FRYL: variants seen among roughly 807,000 people sequenced by gnomAD.
The protein encoded by FRYL is FRY like transcription coactivator.
A neutral mutation model predicts 351.2 loss-of-function variants in FRYL; 150 were observed. The observed-to-expected ratio is 0.43, with a 90% CI of 0.37 to 0.49. The LOEUF is 0.49. FRYL is among the 20% of genes least tolerant of loss of function. FRYL has a pLI of 0.00. For missense variants in FRYL, 3,036 were observed against 3,619.3 expected (o/e 0.84, Z 4.13); for synonymous variants, 1,153 against 1,257.1 (o/e 0.92, Z 1.75).
chr4:48,514,424 T>C (rs947238481), intron 56 of FRYL, among the ~76,000 whole-genome samples: 1 of 152,150 alleles, frequency 6.6e-6, no homozygotes, highest in African/African-American at 2.4e-5. Context: ...AAAAGCTATA[T>C]ATAACATATG....
intron 3 of FRYL, among the ~76,000 whole-genome samples, chr4:48,663,433 C>A (rs949124994): frequency 6.6e-6 from 1 of 150,468 alleles, no homozygotes; most frequent in African/African-American, 2.4e-5. Flanking sequence ...GAAAGAAAAG[C>A]GGGTGGGGAA....
Position 48,542,074 on chromosome 4 carries a change from A to G in FRYL, c.5640T>C (p.Thr1880=). Residue 1880 remains threonine (T), a synonymous_variant, in exon 45 of 64, where the codon ACT becomes ACC. Transcript: ENST00000358350. ...CATAATGCTTCATGGTTTCAGCCAA[A>G]GTATCAATTGCAGATTCCAATGTGA... ...LLLTLESAID[T]LAETMKHYDL... 6.2e-7 allele frequency: 1 copy of G among 1,613,958 alleles called. No homozygotes were observed. The highest frequency in any genetic ancestry group is 8.5e-7 in the Non-Finnish European group (1 of 1,179,846).
chr4:48,630,636 T>A (rs1752783896), intron 4 of FRYL, among the ~76,000 whole-genome samples: 1 of 152,210 alleles, frequency 6.6e-6, no homozygotes, highest in Non-Finnish European at 1.5e-5. Context: ...CAATCACCAA[T>A]TGCCCTTCTT....
chr4:48,549,397 C>G lies in FRYL; in HGVS notation c.4784+76G>C. The G allele has an allele frequency of 7.5e-7, 1 of 1,335,310 alleles. No individual in the cohort carries two copies. The highest frequency in any genetic ancestry group is 2.4e-5 in the East Asian group (1 of 42,032). 82.7% of individuals were successfully genotyped at this position (1,335,310 alleles called of 1,614,324 possible). A position where few individuals can be genotyped will look rare whatever the true frequency, so the allele number is the denominator to read the frequency against. ...GAAGATTGCTTTCATTCTGTGTTGT[C>G]AGATAGCACAAAGAAAGCCGACAGT... On this transcript the variant is annotated intron_variant, in intron 39 of 63. Coordinates refer to ENST00000358350, the MANE Select transcript of FRYL (RefSeq NM_015030.2). This position sits in a 1 kb window ranked among gnomAD's most constrained non-coding sequence, Gnocchi z 4.2.
intron 1 of FRYL, among the ~76,000 whole-genome samples, chr4:48,755,936 T>TA (rs869261013): frequency 5.6e-4 from 78 of 139,468 alleles, no homozygotes; most frequent in South Asian, 1.2e-3. Flanking sequence ...AAAATTCAAT[T>TA]AAAAAAAAAA....
chr4:48,536,990 T>G (rs1358796646), intron 47 of FRYL, among the ~76,000 whole-genome samples: 1 of 152,112 alleles, frequency 6.6e-6, no homozygotes, highest in African/African-American at 2.4e-5. Flanking sequence ...ATACAATCAT[T>G]AAAACCAGCT....
chr4:48,774,673 G>A (rs954567934), intron 1 of FRYL, among the ~76,000 whole-genome samples: 1 of 151,918 alleles, frequency 6.6e-6, no homozygotes, highest in Non-Finnish European at 1.5e-5. Context: ...AGACTCCAGA[G>A]TACCTGGGAC....
At chr4:48,509,202 G>A (rs76858487) in intron 59 of FRYL, among the ~76,000 whole-genome samples, 3 of 152,062 alleles carry the variant, frequency 2.0e-5, no homozygotes, top group African/African-American at 7.2e-5. Context: ...AATAATCTTC[G>A]CAATACATAC....
chr4:48,608,107 A>G (rs1350045622), intron 9 of FRYL, among the ~76,000 whole-genome samples: 1 of 152,182 alleles, frequency 6.6e-6, no homozygotes, highest in Admixed American at 6.5e-5. Context: ...ATTATCATCT[A>G]TATCTAAATC....
chr4:48,541,139 G>A (rs773017907), intron 45 of FRYL, among the ~76,000 whole-genome samples, 179 bp from the exon 46 acceptor site: 16 of 152,292 alleles, frequency 1.1e-4, no homozygotes, highest in Non-Finnish European at 2.2e-4. Flanking sequence ...ATGTACAACA[G>A]TATCTTTTCT....
intron 35 of FRYL, among the ~76,000 whole-genome samples, chr4:48,555,403 G>C (rs1275844404): frequency 6.6e-6 from 1 of 152,172 alleles, no homozygotes; most frequent in Non-Finnish European, 1.5e-5. Flanking sequence ...TCATGTGTTT[G>C]GTGATGATTA....
rs1380027874 is a variant in FRYL at position 48,535,777 on chromosome 4, C to T, written c.6444G>A (p.Met2148Ile). The T allele has an allele frequency of 6.3e-7, 1 of 1,580,048 alleles. No homozygotes were observed. The highest frequency in any genetic ancestry group is 1.2e-5 in the South Asian group (1 of 84,492). ...CPTLVNLAHMMSLYSTHTYSR... is the reference protein window; with the variant it reads ...CPTLVNLAHMISLYSTHTYSR... ...AATACGTGTGTGTACTGTACAAACTCATCATGTGTGCCAGATTGACAAGTG... is the reference window on the plus strand; with the variant it reads ...AATACGTGTGTGTACTGTACAAACTTATCATGTGTGCCAGATTGACAAGTG... Residue 2148 changes from methionine (M) to isoleucine (I), a missense_variant, in exon 48 of 64, where the codon ATG becomes ATA. Met to Ile is a conservative substitution (Grantham distance 10). Around this residue, in one of 7 missense-constraint regions of FRYL, gnomAD observed 1,987 missense variants for 2,311.7 expected, o/e 0.86. Coordinates refer to ENST00000358350, the MANE Select transcript of FRYL (RefSeq NM_015030.2).
At chr4:48,768,993 G>A (rs1775250394) in intron 1 of FRYL, among the ~76,000 whole-genome samples, 1 of 151,996 alleles carries the variant, frequency 6.6e-6, no homozygotes, top group African/African-American at 2.4e-5. Flanking sequence ...AATTAGCTGG[G>A]CATGGTGGTG....
intron 1 of FRYL, among the ~76,000 whole-genome samples, chr4:48,769,500 T>C (rs1775302824): frequency 6.6e-6 from 1 of 152,222 alleles, no homozygotes; most frequent in Non-Finnish European, 1.5e-5. Flanking sequence ...GGTGAAAACA[T>C]ACAGCCACTT....
chr4:48,605,861 A>G (rs1260315698), intron 10 of FRYL, 28 bp from the exon 11 acceptor site: 7 of 1,272,588 alleles, frequency 5.5e-6, no homozygotes, highest in Admixed American at 4.3e-5. Flanking sequence ...ATATACTTAG[A>G]TTAACAAAAG....
intron 1 of FRYL, among the ~76,000 whole-genome samples, chr4:48,736,931 T>C (rs1771500864): frequency 6.7e-6 from 1 of 149,596 alleles, no homozygotes; most frequent in South Asian, 2.1e-4. Context: ...ACTGATAAGC[T>C]TCTAGCAGGT....
At chr4:48,719,009 A>C (rs1419023310) in intron 1 of FRYL, among the ~76,000 whole-genome samples, 1 of 151,544 alleles carries the variant, frequency 6.6e-6, no homozygotes, top group Non-Finnish European at 1.5e-5. Context: ...ACTGCAAAAG[A>C]ATTCCGAGTG....
intron 59 of FRYL, among the ~76,000 whole-genome samples, chr4:48,509,761 T>G (rs921538756): frequency 1.3e-5 from 2 of 152,222 alleles, no homozygotes; most frequent in Non-Finnish European, 2.9e-5. Flanking sequence ...AATTCTCTAA[T>G]GCACTGAGAA....
At chr4:48,639,670 T>G (rs1754952641) in intron 3 of FRYL, among the ~76,000 whole-genome samples, 1 of 151,858 alleles carries the variant, frequency 6.6e-6, no homozygotes, top group Non-Finnish European at 1.5e-5. Context: ...GGAAAAAAAT[T>G]ATTAAAATGA....
Sources: allele counts gnomAD v4.1 joint callset (sites outside exome capture counted in the v4.1 genomes callset), GRCh38; gene constraint gnomAD v4.1.1; regional missense constraint gnomAD v4.1.1; non-coding constraint Gnocchi (gnomAD v3.1); transcripts MANE v1.5; gene names NCBI Gene and HGNC (gene_info 2026-07-23, HGNC 2026-07-21).